GLI3: variants seen among roughly 807,000 people sequenced by gnomAD.
GLI3 encodes GLI family zinc finger 3, also known as transcription activator GLI3.
A neutral mutation model predicts 100.8 loss-of-function variants in GLI3; 20 were observed. That is an observed-to-expected ratio of 0.20 (90% CI 0.14 to 0.29). The LOEUF is 0.29. Ranked by LOEUF, GLI3 falls within the 10% of genes least tolerant of loss-of-function variation. The probability of loss-of-function intolerance (pLI) is 1.00; values close to 1 mark genes in which losing one functional copy is unlikely to be tolerated. For synonymous variants in GLI3, 938 were observed against 860.5 expected (o/e 1.09, Z -1.58); for missense variants, 2,040 against 2,128.5 (o/e 0.96, Z 0.82).
intron 6 of GLI3, among the ~76,000 whole-genome samples, 181 bp from the exon 7 acceptor site, chr7:42,040,420 G>C (rs73688623): frequency 1.3e-5 from 2 of 152,288 alleles, no homozygotes; most frequent in South Asian, 4.1e-4. Context: ...AGAAATATTT[G>C]TCTTCCAGGG....
In GLI3 at chr7:41,965,386, C is replaced by T. The variant is rs200382337; in HGVS notation, c.3687G>A (p.Leu1229=). The T allele has an allele frequency of 3.1e-6, 5 of 1,612,392 alleles. No individual in the cohort carries two copies. In the South Asian group the frequency reaches 4.4e-5, roughly 14 times the overall value. ...NSNPYGGPEH[L]MLHNSPGSGT... ...CACTTCCGGGGCTGTTGTGGAGCAT[C>T]AAGTGCTCTGGGCCACCGTAGGGGT... is the stretch of plus-strand genomic sequence containing the variant. Residue 1229 remains leucine, a synonymous_variant, in exon 15 of 15, where the codon TTG becomes TTA. Transcript: ENST00000395925.
At chr7:42,022,668 G>A (rs73100840) in intron 10 of GLI3, among the ~76,000 whole-genome samples, 3 of 152,140 alleles carry the variant, frequency 2.0e-5, no homozygotes, top group South Asian at 2.1e-4. Flanking sequence ...TGCCCTCCAC[G>A]TCAGCCAATC....
chr7:42,106,703 A>G (rs563058818), intron 3 of GLI3, among the ~76,000 whole-genome samples: 1 of 152,234 alleles, frequency 6.6e-6, no homozygotes, highest in Non-Finnish European at 1.5e-5. Context: ...TTTTCAAAGA[A>G]TGTCCTCTGC....
intron 10 of GLI3, among the ~76,000 whole-genome samples, chr7:41,997,833 C>T (rs1007319406): frequency 2.0e-5 from 3 of 152,048 alleles, no homozygotes; most frequent in Non-Finnish European, 4.4e-5. Context: ...TAACTTGAAC[C>T]AATAATCTGT....
intron 3 of GLI3, among the ~76,000 whole-genome samples, chr7:42,140,760 G>A (rs60179709): frequency 0.026 from 4,031 of 152,260 alleles, 131 homozygotes; most frequent in African/African-American, 0.08. Context: ...AGGCAGGATG[G>A]GAGATTGCAG....
At chr7:41,987,127 C>CACACACAT (rs1787853324) in intron 10 of GLI3, among the ~76,000 whole-genome samples, 1 of 151,878 alleles carries the variant, frequency 6.6e-6, no homozygotes, top group East Asian at 1.9e-4. Flanking sequence ...CACACACACA[C>CACACACAT]ACACACACAC....
intron 3 of GLI3, among the ~76,000 whole-genome samples, chr7:42,127,190 C>T (rs73688646): frequency 0.031 from 4,735 of 152,266 alleles, 252 homozygotes; most frequent in African/African-American, 0.11. Context: ...TTTTTAACTT[C>T]GGCCAGAGAG....
At chr7:41,999,585 C>A (rs776712892) in intron 10 of GLI3, among the ~76,000 whole-genome samples, 2 of 152,104 alleles carry the variant, frequency 1.3e-5, no homozygotes, top group African/African-American at 4.8e-5. Flanking sequence ...GCATCAGGGG[C>A]CCTGAAGCTC....
At position 42,074,387 on chromosome 7, in the gene GLI3, C is replaced by T. The variant is rs539654995; in HGVS notation, c.473+2365G>A. Among the ~76,000 whole-genome samples the T allele has an allele frequency of 5.3e-5, 8 of 152,308 alleles. No homozygotes were observed. The East Asian group carries it at 9.7e-4, about 18-fold the overall frequency. On this transcript the variant is annotated intron_variant, in intron 4 of 14. Coordinates refer to ENST00000395925, the MANE Select transcript of GLI3 (RefSeq NM_000168.6). ...GGCCAATGTGAGTGTCCACTGAGCA[C>T]CTTTTACAAAGTGCCTGACCAAGTG...
chr7:42,010,292 C>A (rs139742605), intron 10 of GLI3, among the ~76,000 whole-genome samples: 3 of 152,288 alleles, frequency 2.0e-5, no homozygotes, highest in South Asian at 2.1e-4. Context: ...TGTGAGGCTG[C>A]GGCTTAAAGT....
intron 3 of GLI3, among the ~76,000 whole-genome samples, chr7:42,135,208 G>A (rs1182884718): frequency 6.6e-6 from 1 of 152,072 alleles, no homozygotes; most frequent in Non-Finnish European, 1.5e-5. Context: ...ACTGTGTGTG[G>A]AGCTCAATTA....
intron 10 of GLI3, among the ~76,000 whole-genome samples, chr7:41,982,545 T>TA (rs941959297): frequency 5.4e-5 from 8 of 148,012 alleles, no homozygotes; most frequent in South Asian, 2.2e-4. Flanking sequence ...ACCCCATGTC[T>TA]AAAAAAAAAA....
At chr7:42,240,080 C>T (rs2128708744), upstream of GLI3, among the ~76,000 whole-genome samples, 1 of 152,210 alleles carries the variant, frequency 6.6e-6, no homozygotes, top group East Asian at 1.9e-4. Context: ...CTGTAAAAAC[C>T]CAAAGACACC....
At chr7:41,978,473 C>T in intron 11 of GLI3, 126 bp downstream of exon 11, 1 of 897,918 alleles carries the variant, frequency 1.1e-6, no homozygotes, top group East Asian at 2.4e-5. Context: ...TATCACCAGA[C>T]AATACTCTAG....
At chr7:42,087,530 A>T (rs564377223) in intron 3 of GLI3, among the ~76,000 whole-genome samples, 1 of 152,166 alleles carries the variant, frequency 6.6e-6, no homozygotes, top group South Asian at 2.1e-4. Context: ...CCTGGTTGGG[A>T]CCTTTTGACT....
At position 41,964,064 on chromosome 7, in the gene GLI3, GT is replaced by G. The variant is rs550264781; in HGVS notation, c.*265del. The G allele has an allele frequency of 0.014, 2,955 of 205,234 alleles. 8 individuals are homozygous for G. The highest frequency in any genetic ancestry group is 0.021 in the African/African-American group (852 of 40,196). 12.7% of individuals were successfully genotyped at this position (205,234 alleles called of 1,614,324 possible). A position where few individuals can be genotyped will look rare whatever the true frequency, so the allele number is the denominator to read the frequency against. ...TACTAAAAAGGGGGCGGGGCTTACA[GT>G]TTTTTTTTTTTTTTTTAAAAAGAGG... On this transcript the variant is annotated 3_prime_UTR_variant, in exon 15 of 15. Transcript: ENST00000395925.
At chr7:42,211,500 T>C (rs1467779385) in intron 2 of GLI3, among the ~76,000 whole-genome samples, 2 of 152,250 alleles carry the variant, frequency 1.3e-5, no homozygotes, top group Admixed American at 1.3e-4. Context: ...GGTTTTTAAA[T>C]GCTTGGAACA....
chr7:42,100,584 A>G (rs1785439339), intron 3 of GLI3, among the ~76,000 whole-genome samples: 1 of 152,062 alleles, frequency 6.6e-6, no homozygotes, highest in Non-Finnish European at 1.5e-5. Flanking sequence ...AACATAAAAA[A>G]AAAAAAAAAT....
At position 42,203,149 on chromosome 7, in the gene GLI3, T is replaced by C. The variant is rs145978464; in HGVS notation, c.124+19981A>G. On this transcript the variant is annotated intron_variant, in intron 2 of 14. Transcript: ENST00000395925. ...ATTGTGTGTATTTATTTAAACATGATGTTTGAAGTATACATACACACACAT... is the reference window on the plus strand; with the variant it reads ...ATTGTGTGTATTTATTTAAACATGACGTTTGAAGTATACATACACACACAT... 2.1e-3 allele frequency among the ~76,000 whole-genome samples: 326 copies of C among 152,376 alleles called. 4 individuals are homozygous for C. The highest frequency in any genetic ancestry group is 7.7e-3 in the African/African-American group (319 of 41,586).
Sources: allele counts gnomAD v4.1 joint callset (sites outside exome capture counted in the v4.1 genomes callset), GRCh38; gene constraint gnomAD v4.1.1; transcripts MANE v1.5; gene names NCBI Gene and HGNC (gene_info 2026-07-23, HGNC 2026-07-21).